The following SIPA1L1 variants were observed in gnomAD, a reference collection of about 807,000 sequenced individuals.
SIPA1L1 encodes signal-induced proliferation-associated 1-like protein 1.
In SIPA1L1, 26 loss-of-function variants were observed where a neutral mutation model predicts 162.7. That is an observed-to-expected ratio of 0.16 (90% CI 0.12 to 0.22). SIPA1L1 has a LOEUF of 0.22. Ranked by LOEUF, SIPA1L1 falls within the 10% of genes least tolerant of loss-of-function variation. SIPA1L1 has a pLI of 1.00. For missense variants in SIPA1L1, 1,874 were observed against 2,241.0 expected (o/e 0.84, Z 3.31); for synonymous variants, 829 against 837.4 (o/e 0.99, Z 0.17).
intron 20 of SIPA1L1, among the ~76,000 whole-genome samples, chr14:71,730,703 T>C (rs1054150125): frequency 5.9e-5 from 9 of 152,220 alleles, no homozygotes; most frequent in African/African-American, 1.9e-4. Context: ...TTGCTGTCAT[T>C]CTTTCCCAGG....
At chr14:71,685,671 C>T in intron 13 of SIPA1L1, 40 bp downstream of exon 13, 1 of 1,607,106 alleles carries the variant, frequency 6.2e-7, no homozygotes, top group Non-Finnish European at 8.5e-7. Flanking sequence ...CTCTCTCTGC[C>T]CCAAATGTAA....
At chr14:71,577,650 A>T (rs535563716) in intron 4 of SIPA1L1, among the ~76,000 whole-genome samples, 15 of 148,778 alleles carry the variant, frequency 1.0e-4, no homozygotes, top group Non-Finnish European at 2.2e-4. Flanking sequence ...AAGTGCTGGG[A>T]TTACAGGTGT....
intron 4 of SIPA1L1, among the ~76,000 whole-genome samples, chr14:71,584,839 G>A (rs2034383774): frequency 6.6e-6 from 1 of 152,170 alleles, no homozygotes; most frequent in African/African-American, 2.4e-5. Flanking sequence ...GACATGCTGT[G>A]AATTCGTATT....
chr14:71,614,385 G>GA (rs1304836644), intron 5 of SIPA1L1, among the ~76,000 whole-genome samples: 3 of 151,608 alleles, frequency 2.0e-5, no homozygotes, highest in Non-Finnish European at 4.4e-5. Context: ...ATCCTTAAGA[G>GA]AAAAAAAAGA....
chr14:71,636,062 A>G (rs942813076), intron 7 of SIPA1L1, among the ~76,000 whole-genome samples: 16 of 152,230 alleles, frequency 1.1e-4, no homozygotes, highest in Admixed American at 6.5e-5. Context: ...TGTGAAGGAA[A>G]AAAACTGATG....
chr14:71,685,358 A>G lies in SIPA1L1; in HGVS notation c.3105-4A>G, dbSNP rs2046198849. 8.1e-6 allele frequency: 13 copies of G among 1,613,798 alleles called. No homozygotes were observed. Among genetic ancestry groups the G allele is most frequent in the Non-Finnish European group, 1.1e-5 (13 of 1,179,826 alleles). ...TGTTTCTCCCTGTGCCTTGCCCCTA[A>G]TAGGAGTTGCTCTGAAACCTACCGC... On this transcript the variant is annotated splice_region_variant and splice_polypyrimidine_tract_variant and intron_variant, in intron 12 of 23. Transcript: ENST00000381232.
chr14:71,644,394 A>G (rs1044933773), intron 7 of SIPA1L1, among the ~76,000 whole-genome samples: 2 of 152,202 alleles, frequency 1.3e-5, no homozygotes, highest in African/African-American at 2.4e-5. Context: ...CCATGCCACC[A>G]TACCCACCTG....
intron 2 of SIPA1L1, among the ~76,000 whole-genome samples, chr14:71,468,742 C>T (rs570385933): frequency 6.8e-4 from 104 of 152,276 alleles, no homozygotes; most frequent in Non-Finnish European, 1.3e-3. Flanking sequence ...AGATCTTAAT[C>T]TTTTGTAGTA....
At chr14:71,405,778 A>G (rs2041989530) in intron 2 of SIPA1L1, among the ~76,000 whole-genome samples, 1 of 152,054 alleles carries the variant, frequency 6.6e-6, no homozygotes, top group Non-Finnish European at 1.5e-5. Flanking sequence ...TTTATCTCTG[A>G]CCCTGGCATC....
chr14:71,539,424 A>G (rs560650048), intron 4 of SIPA1L1, among the ~76,000 whole-genome samples: 7 of 152,332 alleles, frequency 4.6e-5, no homozygotes, highest in African/African-American at 1.4e-4. Context: ...AACTTTTCCA[A>G]TGGAAAACTA....
At chr14:71,695,919 T>C (rs1485411369) in intron 13 of SIPA1L1, among the ~76,000 whole-genome samples, 2 of 152,204 alleles carry the variant, frequency 1.3e-5, no homozygotes, top group African/African-American at 4.8e-5. Context: ...TCATAACCAA[T>C]TCCTCCTATT....
chr14:71,341,075 C>T (rs2035603473), intron 2 of SIPA1L1, among the ~76,000 whole-genome samples: 1 of 152,198 alleles, frequency 6.6e-6, no homozygotes, highest in Admixed American at 6.5e-5. Flanking sequence ...CCTTTCTGGC[C>T]AACAGAACTT....
intron 5 of SIPA1L1, among the ~76,000 whole-genome samples, chr14:71,612,564 A>G (rs767412768): frequency 1.3e-5 from 2 of 152,212 alleles, no homozygotes; most frequent in Non-Finnish European, 2.9e-5. Flanking sequence ...AGATTATGCT[A>G]TAGATGTCCT....
intron 4 of SIPA1L1, among the ~76,000 whole-genome samples, chr14:71,538,249 A>C (rs1040984031): frequency 2.6e-5 from 4 of 152,164 alleles, no homozygotes; most frequent in Non-Finnish European, 5.9e-5. Context: ...AATTGGTCCC[A>C]GCGAGGTGAT....
At chr14:71,400,367 C>T (rs944433605) in intron 2 of SIPA1L1, among the ~76,000 whole-genome samples, 11 of 152,148 alleles carry the variant, frequency 7.2e-5, no homozygotes, top group Middle Eastern at 3.4e-3. Context: ...TAAACCATCT[C>T]GGGACTTAAG....
intron 2 of SIPA1L1, chr14:71,330,222 C>T (rs986253261): frequency 4.8e-6 from 3 of 631,068 alleles, no homozygotes; most frequent in Non-Finnish European, 8.8e-6. Context: ...AGCTGTCTCC[C>T]CATCCTCCCA....
chr14:71,511,598 T>A (rs1290436905), intron 2 of SIPA1L1, among the ~76,000 whole-genome samples: 1 of 152,140 alleles, frequency 6.6e-6, no homozygotes, highest in Admixed American at 6.6e-5. Context: ...AGGAGCATCT[T>A]TTGTTACAGT....
At chr14:71,704,855 A>T in intron 15 of SIPA1L1, 1 of 1,012,816 alleles carries the variant, frequency 9.9e-7, no homozygotes. Flanking sequence ...AATGTAGACC[A>T]AGCTAGGTTA....
intron 2 of SIPA1L1, among the ~76,000 whole-genome samples, chr14:71,452,569 A>C (rs990598003): frequency 1.3e-5 from 2 of 152,202 alleles, no homozygotes; most frequent in East Asian, 1.9e-4. Flanking sequence ...AAGCTATAGG[A>C]TATGTATTAA....
Sources: gnomAD v4.1 joint callset for allele counts (sites outside exome capture counted in the v4.1 genomes callset) on GRCh38, gnomAD v4.1.1 for gene constraint, MANE v1.5 for transcripts, NCBI Gene and HGNC (gene_info 2026-07-23, HGNC 2026-07-21) for gene names.